SPTA1: variants seen among roughly 807,000 people sequenced by gnomAD.
SPTA1 encodes the protein spectrin alpha, erythrocytic 1, also known as spectrin alpha chain, erythrocytic 1.
A neutral mutation model predicts 324.7 loss-of-function variants in SPTA1; 177 were observed. The observed-to-expected ratio is 0.55, with a 90% confidence interval of 0.48 to 0.62. The LOEUF (loss-of-function observed/expected upper bound fraction) is 0.62, where lower values mean the gene tolerates loss of function less well. Ranked by LOEUF, SPTA1 falls within the 20% of genes least tolerant of loss-of-function variation. The probability of loss-of-function intolerance (pLI) is 0.00; values close to 1 mark genes in which losing one functional copy is unlikely to be tolerated. For synonymous variants in SPTA1, 1,195 were observed against 1,041.3 expected (o/e 1.15, Z -2.84); for missense variants, 3,162 against 2,883.6 (o/e 1.10, Z -2.21).
chr1:158,638,141 C>T lies in SPTA1; in HGVS notation c.5081G>A (p.Arg1694His), dbSNP rs201822255. The change falls in exon 36 of 52, where the codon CGT becomes CAT. Residue 1694 changes from arginine to histidine, a missense_variant. By Grantham distance (29) the Arg-to-His change is conservative. Coordinates refer to ENST00000643759, the MANE Select transcript of SPTA1 (RefSeq NM_003126.4). ...TGCCAATTCTTGGACATTCAGGAAACGCTTGTTGACATTATCTTTTTTCTT... is the reference window on the plus strand; with the variant it reads ...TGCCAATTCTTGGACATTCAGGAAATGCTTGTTGACATTATCTTTTTTCTT... ...IVKKKDNVNK[R>H]FLNVQELAAA... 2.1e-4 allele frequency: 342 copies of T among 1,614,042 alleles called. No homozygotes were observed. The highest frequency in any genetic ancestry group is 3.2e-4 in the Admixed American group (19 of 59,962).
Position 158,642,904 on chromosome 1 carries a change from G to A in SPTA1, c.4515C>T (p.Phe1505=). Residue 1505 remains phenylalanine (F), a synonymous_variant, in exon 32 of 52, where the codon TTC becomes TTT. Transcript: ENST00000643759. ...CTTCCAGCTCCTCAAGGTCTCGGTA[G>A]AATTGTTTTAGGTTGGCATAGTCTC... The part of the protein sequence containing the change: ...KLGDYANLKQ[F]YRDLEELEEW... 1 of 1,613,886 alleles carries A rather than the reference G, an allele frequency of 6.2e-7. No individual in the cohort carries two copies. Among genetic ancestry groups the A allele is most frequent in the Non-Finnish European group, 8.5e-7 (1 of 1,179,876 alleles).
intron 17 of SPTA1, among the ~76,000 whole-genome samples, chr1:158,661,738 T>C (rs1406342478): frequency 6.6e-6 from 1 of 152,212 alleles, no homozygotes; most frequent in Non-Finnish European, 1.5e-5. Context: ...CAGCATATTG[T>C]GATGTACAAG....
chr1:158,673,284 C>T (rs1257398480), intron 10 of SPTA1, among the ~76,000 whole-genome samples: 2 of 152,130 alleles, frequency 1.3e-5, no homozygotes, highest in Non-Finnish European at 2.9e-5. Context: ...ACTCGGTTAT[C>T]TCAACCTCAT....
chr1:158,629,688 C>G (rs1650554180), intron 39 of SPTA1, among the ~76,000 whole-genome samples: 1 of 151,832 alleles, frequency 6.6e-6, no homozygotes, highest in Non-Finnish European at 1.5e-5. Flanking sequence ...TAAAAGGCAT[C>G]TAAATAAGAA....
chr1:158,674,459 A>G (rs1557986400), intron 9 of SPTA1, 29 bp from the exon 10 acceptor site: 1 of 1,614,066 alleles, frequency 6.2e-7, no homozygotes, highest in Non-Finnish European at 8.5e-7. Flanking sequence ...GTGTCTCAAA[A>G]TGCAGCAAGA....
At chr1:158,639,332 TA>T (rs1471524229) in intron 35 of SPTA1, 2 of 530,052 alleles carry the variant, frequency 3.8e-6, no homozygotes. Context: ...CAGTAAAAGA[TA>T]AAAAAGATAG....
chr1:158,681,773 A>G lies in SPTA1; in HGVS notation c.391-106T>C. 6 of 1,418,110 alleles carry G rather than the reference A, an allele frequency of 4.2e-6. 1 individual carries two copies. The South Asian group carries it at 7.1e-5, about 17-fold the overall frequency. The allele number at this position is 1,418,110 out of a possible 1,614,324, so 87.8% of individuals were successfully genotyped here. Reference sequence around the variant, plus strand: ...CTGGATAAAAATTCTTCTCTCAGTTACTCATGCATTAGTTGCTCAACAAAC... The same window carrying G: ...CTGGATAAAAATTCTTCTCTCAGTTGCTCATGCATTAGTTGCTCAACAAAC... On this transcript the variant is annotated intron_variant, in intron 3 of 51. Coordinates refer to ENST00000643759, the MANE Select transcript of SPTA1 (RefSeq NM_003126.4).
intron 33 of SPTA1, among the ~76,000 whole-genome samples, chr1:158,640,610 A>G (rs1036829539): frequency 6.6e-6 from 1 of 152,110 alleles, no homozygotes; most frequent in African/African-American, 2.4e-5. Context: ...TCCACCTTAC[A>G]AGGGATGTGA....
At chr1:158,654,093 T>C (rs978796351) in intron 21 of SPTA1, among the ~76,000 whole-genome samples, 1 of 152,192 alleles carries the variant, frequency 6.6e-6, no homozygotes, top group Non-Finnish European at 1.5e-5. Flanking sequence ...TAATTAGGTA[T>C]CAGAGTATAA....
intron 5 of SPTA1, 68 bp downstream of exon 5, chr1:158,680,515 A>G: frequency 2.5e-6 from 4 of 1,605,584 alleles, no homozygotes; most frequent in Non-Finnish European, 3.4e-6. Flanking sequence ...TCCATCTACT[A>G]ATGGCCAGAA....
chr1:158,648,569 A>G lies in SPTA1; in HGVS notation c.3654T>C (p.Val1218=), dbSNP rs919489897. Residue 1218 remains valine (V), a synonymous_variant, in exon 26 of 52, where the codon GTT becomes GTC. Transcript: ENST00000643759. The stretch of plus-strand genomic sequence containing the variant: ...CCTCATGCCGTCGCTGAAGAGCCTG[A>G]ACACTGAACAGATCTGAGCCAGGGT... The part of the protein sequence containing the change: ...AADPGSDLFS[V]QALQRRHEGF... 1 of 1,614,030 alleles carries G rather than the reference A, an allele frequency of 6.2e-7. No individual in the cohort carries two copies.
chr1:158,661,074 A>C (rs1474599424), intron 18 of SPTA1, among the ~76,000 whole-genome samples: 1 of 152,220 alleles, frequency 6.6e-6, no homozygotes, highest in Non-Finnish European at 1.5e-5. Context: ...TTTGTTTTAC[A>C]AACAAATAGT....
chr1:158,686,412 A>G (rs865994078), intron 1 of SPTA1, 82 bp downstream of exon 1: 1 of 972,710 alleles, frequency 1.0e-6, no homozygotes, highest in African/African-American at 1.6e-5. Flanking sequence ...GTTCCTGGGA[A>G]AGATAGTATA....
At position 158,647,691 on chromosome 1, in the gene SPTA1, C is replaced by T. The variant is rs779014408; in HGVS notation, c.3744G>A (p.Arg1248=). 1.5e-5 allele frequency: 24 copies of T among 1,613,790 alleles called. No homozygotes were observed. The Middle Eastern group carries it at 1.8e-3, about 122-fold the overall frequency. ...KVTILGETAE[R]LSESHPDATE... ...TGGCATCTGGATGGGACTCACTGAG[C>T]CGCTCTGCTGTCTCCCCCAGTATGG... The change falls in exon 27 of 52, where the codon CGG becomes CGA. Residue 1248 remains arginine (R), a synonymous_variant. Coordinates refer to ENST00000643759, the MANE Select transcript of SPTA1 (RefSeq NM_003126.4).
chr1:158,625,776 T>C (rs111897674), intron 42 of SPTA1, among the ~76,000 whole-genome samples: 8 of 151,820 alleles, frequency 5.3e-5, no homozygotes, highest in African/African-American at 1.9e-4. Flanking sequence ...TTAGAAAAGA[T>C]GAAAGGCTAA....
At chr1:158,677,865 G>A (rs750260421) in intron 6 of SPTA1, 31 bp from the exon 7 acceptor site, 1 of 1,613,164 alleles carries the variant, frequency 6.2e-7, no homozygotes, top group South Asian at 1.1e-5. Context: ...TCCAACCAAA[G>A]AAGATAGCAA....
intron 37 of SPTA1, 50 bp downstream of exon 37, chr1:158,636,591 G>T (rs200579477): frequency 5.2e-5 from 83 of 1,603,618 alleles, no homozygotes; most frequent in Non-Finnish European, 6.7e-5. Context: ...AACACAAGGG[G>T]TTGCTATAGG....
At chr1:158,659,938 T>G (rs1454387885) in intron 18 of SPTA1, among the ~76,000 whole-genome samples, 1 of 152,114 alleles carries the variant, frequency 6.6e-6, no homozygotes. Context: ...GAAAATATTT[T>G]AACTTTGTGA....
At position 158,661,968 on chromosome 1, in the gene SPTA1, C is replaced by T. The variant is rs565735857; in HGVS notation, c.2465-559G>A. Among the ~76,000 whole-genome samples the T allele has an allele frequency of 9.9e-5, 15 of 152,274 alleles. No homozygotes were observed. In the East Asian group the frequency reaches 1.2e-3, roughly 12 times the overall value. On this transcript the variant is annotated intron_variant, in intron 17 of 51. Transcript: ENST00000643759. Reference sequence around the variant, plus strand: ...GAATTTCCTTCATCTTCTAAGATCCCGAAATCCTGCTGTCTGCTTTATCCT... The same window carrying T: ...GAATTTCCTTCATCTTCTAAGATCCTGAAATCCTGCTGTCTGCTTTATCCT...
Sources: gnomAD v4.1 joint callset for allele counts (sites outside exome capture counted in the v4.1 genomes callset) on GRCh38, gnomAD v4.1.1 for gene constraint, MANE v1.5 for transcripts, NCBI Gene and HGNC (gene_info 2026-07-23, HGNC 2026-07-21) for gene names.